The following ADCY2 variants were observed in gnomAD, a reference collection of about 807,000 sequenced individuals.
ADCY2 encodes the protein adenylate cyclase type 2.
A neutral mutation model predicts 125.2 loss-of-function variants in ADCY2; 31 were observed. The ratio of observed to expected loss-of-function variants is 0.25; its 90% CI spans 0.19 to 0.33. The LOEUF (loss-of-function observed/expected upper bound fraction) is 0.33. ADCY2 is among the 10% of genes least tolerant of loss of function. The pLI is 1.00. For synonymous variants in ADCY2, 512 were observed against 548.4 expected (o/e 0.93, Z 0.93); for missense variants, 904 against 1,418.2 (o/e 0.64, Z 5.82).
chr5:7,404,007 T>C (rs1451706182), intron 1 of ADCY2, among the ~76,000 whole-genome samples: 1 of 151,558 alleles, frequency 6.6e-6, no homozygotes, highest in Non-Finnish European at 1.5e-5. Context: ...TAAGTATTGT[T>C]GGTTGTGGGG....
At chr5:7,531,280 G>A (rs960264009) in intron 3 of ADCY2, among the ~76,000 whole-genome samples, 6 of 152,116 alleles carry the variant, frequency 3.9e-5, no homozygotes, top group Non-Finnish European at 7.4e-5. Flanking sequence ...CTGGAGGGCC[G>A]CCGTTTTCCT....
At chr5:7,436,250 G>C (rs1445339159) in intron 2 of ADCY2, among the ~76,000 whole-genome samples, 1 of 152,180 alleles carries the variant, frequency 6.6e-6, no homozygotes, top group Non-Finnish European at 1.5e-5. Context: ...CTCTAATTCA[G>C]TGTCCATGGC....
intron 2 of ADCY2, among the ~76,000 whole-genome samples, chr5:7,480,750 A>C (rs1162052730): frequency 1.3e-5 from 2 of 152,190 alleles, no homozygotes; most frequent in Non-Finnish European, 2.9e-5. Flanking sequence ...CCCTGAACTT[A>C]AAATAAAAGT....
At chr5:7,729,302 A>G (rs1413943834) in intron 14 of ADCY2, among the ~76,000 whole-genome samples, 2 of 152,180 alleles carry the variant, frequency 1.3e-5, no homozygotes, top group Admixed American at 1.3e-4. Flanking sequence ...GACTTTTGCA[A>G]ATGTTTACCC....
At chr5:7,475,399 T>A (rs1742484940) in intron 2 of ADCY2, among the ~76,000 whole-genome samples, 1 of 151,514 alleles carries the variant, frequency 6.6e-6, no homozygotes, top group Non-Finnish European at 1.5e-5. Context: ...TTTTTTTTTT[T>A]AGATAGAGTT....
At chr5:7,804,473 TG>T (rs1328124864) in intron 21 of ADCY2, 111 bp from the exon 22 acceptor site, 8 of 851,526 alleles carry the variant, frequency 9.4e-6, no homozygotes, top group Non-Finnish European at 1.2e-5. Context: ...ACGCAGTGGT[TG>T]AAACAAGTCA....
chr5:7,498,737 C>T (rs1342927861), intron 2 of ADCY2, among the ~76,000 whole-genome samples: 1 of 152,102 alleles, frequency 6.6e-6, no homozygotes, highest in East Asian at 1.9e-4. Flanking sequence ...TTCACAGCAG[C>T]ACTGTGGTAG....
intron 3 of ADCY2, among the ~76,000 whole-genome samples, chr5:7,602,392 T>A (rs1737242235): frequency 6.6e-6 from 1 of 152,204 alleles, no homozygotes; most frequent in Non-Finnish European, 1.5e-5. Flanking sequence ...CTTTCTTGAA[T>A]GTTCCACCAG....
intron 4 of ADCY2, among the ~76,000 whole-genome samples, chr5:7,649,086 T>C (rs1295104204): frequency 6.6e-6 from 1 of 152,220 alleles, no homozygotes; most frequent in Non-Finnish European, 1.5e-5. Flanking sequence ...TCTAACAATA[T>C]GAAAACTTTT....
intron 2 of ADCY2, among the ~76,000 whole-genome samples, chr5:7,444,864 T>C (rs756586748): frequency 6.6e-6 from 1 of 152,200 alleles, no homozygotes; most frequent in African/African-American, 2.4e-5. Flanking sequence ...ATAAGTGAGC[T>C]TGAGCAGCTT....
intron 2 of ADCY2, among the ~76,000 whole-genome samples, chr5:7,465,946 A>G (rs575215979): frequency 1.5e-4 from 23 of 152,340 alleles, no homozygotes; most frequent in Non-Finnish European, 2.9e-4. Flanking sequence ...GACATTCTTC[A>G]TTGATATGTC....
At chr5:7,824,930 G>A (rs1043011301) in intron 24 of ADCY2, among the ~76,000 whole-genome samples, 3 of 152,206 alleles carry the variant, frequency 2.0e-5, no homozygotes, top group African/African-American at 7.2e-5. Context: ...CAAGTCCAAG[G>A]AGGCTGGAGC....
At chr5:7,702,998 A>C (rs1215652347) in intron 7 of ADCY2, among the ~76,000 whole-genome samples, 1 of 152,046 alleles carries the variant, frequency 6.6e-6, no homozygotes, top group Non-Finnish European at 1.5e-5. Context: ...GCATTTTTTC[A>C]TGTGTCTGTT....
At chr5:7,434,376 C>T (rs920974042) in intron 2 of ADCY2, among the ~76,000 whole-genome samples, 10 of 152,126 alleles carry the variant, frequency 6.6e-5, no homozygotes, top group Admixed American at 2.6e-4. Context: ...AGAAGTTGTC[C>T]CATATTCTTT....
At chr5:7,543,245 T>C (rs1458765099) in intron 3 of ADCY2, among the ~76,000 whole-genome samples, 1 of 152,188 alleles carries the variant, frequency 6.6e-6, no homozygotes, top group Non-Finnish European at 1.5e-5. Flanking sequence ...GTACATCATA[T>C]TCAAAGGCAT....
In ADCY2 at chr5:7,721,963, G is replaced by T. The variant is rs543550301; in HGVS notation, c.1704-2582G>T. 1.4e-4 allele frequency among the ~76,000 whole-genome samples: 22 copies of T among 152,310 alleles called. No individual in the cohort carries two copies. In the South Asian group the frequency reaches 4.4e-3, roughly 30 times the overall value. On this transcript the variant is annotated intron_variant, in intron 12 of 24. Coordinates refer to ENST00000338316, the MANE Select transcript of ADCY2 (RefSeq NM_020546.3). ...GATATCTGTGTTCTAAACCAGTAGT[G>T]GGAGTGGAGGCCACCTCAGAAGATT...
In ADCY2 at chr5:7,772,991, C is replaced by T. The variant is rs1208784967; in HGVS notation, c.2274C>T (p.Asn758=). 1.5e-5 allele frequency: 24 copies of T among 1,614,178 alleles called. No homozygotes were observed. Among genetic ancestry groups the T allele is most frequent in the Non-Finnish European group, 2.0e-5 (24 of 1,180,020 alleles). ...CCTGTTCCGTGTTCCTGCGGGTAAACTATGAGCTGAAGATGTTGATCATGA... is the reference window on the plus strand; with the variant it reads ...CCTGTTCCGTGTTCCTGCGGGTAAATTATGAGCTGAAGATGTTGATCATGA... ...LISCSVFLRV[N]YELKMLIMMV... Residue 758 remains asparagine, a synonymous_variant, in exon 18 of 25, where the codon AAC becomes AAT. Transcript: ENST00000338316.
intron 16 of ADCY2, among the ~76,000 whole-genome samples, chr5:7,761,644 C>T (rs1002326658): frequency 9.9e-5 from 15 of 151,896 alleles, no homozygotes; most frequent in African/African-American, 2.2e-4. Flanking sequence ...AAATAAGAAA[C>T]GATTTCTTTT....
At chr5:7,418,802 C>T (rs1291111512) in intron 2 of ADCY2, among the ~76,000 whole-genome samples, 2 of 151,662 alleles carry the variant, frequency 1.3e-5, no homozygotes, top group African/African-American at 2.4e-5. Flanking sequence ...ATTATAGGCA[C>T]GTGCCACCAC....
Sources: gnomAD v4.1 joint callset for allele counts (sites outside exome capture counted in the v4.1 genomes callset) on GRCh38, gnomAD v4.1.1 for gene constraint, MANE v1.5 for transcripts, NCBI Gene and HGNC (gene_info 2026-07-23, HGNC 2026-07-21) for gene names.